Variants in ADGRB1 observed in about 807,000 individuals in gnomAD.
The protein encoded by ADGRB1 is adhesion G protein-coupled receptor B1.
Under a neutral mutation model 175.7 loss-of-function variants are expected in ADGRB1, and 36 were observed. The ratio of observed to expected loss-of-function variants is 0.20; its 90% CI spans 0.16 to 0.27. The LOEUF (loss-of-function observed/expected upper bound fraction) is 0.27. ADGRB1 is among the 10% of genes least tolerant of loss of function. ADGRB1 has a pLI of 1.00. For synonymous variants in ADGRB1, 1,054 were observed against 979.4 expected, an observed-to-expected ratio of 1.08 and a Z score of -1.42; for missense variants, 1,731 against 2,255.3, an observed-to-expected ratio of 0.77 and a Z score of 4.71.
chr8:142,470,423 G>A (rs535115355), intron 2 of ADGRB1, among the ~76,000 whole-genome samples: 1 of 151,866 alleles, frequency 6.6e-6, no homozygotes, highest in African/African-American at 2.4e-5. Flanking sequence ...ATGTGTCCCC[G>A]TGTGGTGTGT....
intron 18 of ADGRB1, among the ~76,000 whole-genome samples, chr8:142,512,421 T>C (rs965374429): frequency 2.0e-5 from 3 of 152,306 alleles, no homozygotes; most frequent in Middle Eastern, 6.8e-3. Context: ...CCTTCGAAGC[T>C]GGACCAGGCA....
At chr8:142,469,149 A>G (rs959702418) in intron 2 of ADGRB1, among the ~76,000 whole-genome samples, 3 of 53,800 alleles carry the variant, frequency 5.6e-5, no homozygotes, top group Non-Finnish European at 1.1e-4. Context: ...ATGTGTGTGC[A>G]TGCGTGCATG....
intron 24 of ADGRB1, among the ~76,000 whole-genome samples, chr8:142,527,651 G>C (rs905326627): frequency 6.6e-5 from 10 of 152,104 alleles, no homozygotes; most frequent in Admixed American, 2.0e-4. Flanking sequence ...CCTGTCCCCG[G>C]AACACCCTGT....
chr8:142,475,432 CCCCTG>C, intron 2 of ADGRB1, 37 bp from the exon 3 acceptor site: 1 of 1,266,902 alleles, frequency 7.9e-7, no homozygotes, highest in Non-Finnish European at 9.9e-7. Context: ...AGGCCACGAG[CCCCTG>C]CCCTGCCCTG....
At chr8:142,469,405 A>G (rs753559788) in intron 2 of ADGRB1, among the ~76,000 whole-genome samples, 1 of 131,930 alleles carries the variant, frequency 7.6e-6, no homozygotes, top group South Asian at 2.5e-4. Context: ...GCACATGCAG[A>G]TGTGAATGTG....
chr8:142,532,570 G>A (rs1046887869), intron 24 of ADGRB1, among the ~76,000 whole-genome samples: 3 of 152,098 alleles, frequency 2.0e-5, no homozygotes, highest in South Asian at 2.1e-4. Context: ...AGGAGGAGGC[G>A]CCTGTCAGTC....
chr8:142,469,434 TGA>T (rs1378969363), intron 2 of ADGRB1, among the ~76,000 whole-genome samples: 10 of 143,704 alleles, frequency 7.0e-5, no homozygotes, highest in Non-Finnish European at 1.4e-4. Flanking sequence ...CACGTGTGAA[TGA>T]GTGTGTGCAC....
chr8:142,460,400 T>C (rs551080921), intron 1 of ADGRB1, among the ~76,000 whole-genome samples: 1 of 152,098 alleles, frequency 6.6e-6, no homozygotes, highest in South Asian at 2.1e-4. Flanking sequence ...GTTCTGTGGG[T>C]CTCAAATTCA....
chr8:142,516,486 C>T (rs1190473987), intron 18 of ADGRB1, among the ~76,000 whole-genome samples: 24 of 86,444 alleles, frequency 2.8e-4, no homozygotes, highest in Non-Finnish European at 3.8e-4. Context: ...TGTGTGCGCG[C>T]GCGTGTGTGC....
In ADGRB1 at chr8:142,543,064, T is replaced by C. The variant is rs1845377736; in HGVS notation, c.4414-339T>C. Among the ~76,000 whole-genome samples the C allele has an allele frequency of 6.6e-6, 1 of 152,190 alleles. No individual in the cohort carries two copies. Among genetic ancestry groups the C allele is most frequent in the Non-Finnish European group, 1.5e-5 (1 of 68,018 alleles). ...CACAGGATATGCTCCCACCATATCC[T>C]GGCTCCTGGCCTCTGGTGATGCTGC... On this transcript the variant is annotated intron_variant, in intron 28 of 30. Transcript: ENST00000517894. The surrounding 1 kb of genome is among the most constrained non-coding windows in gnomAD (Gnocchi z 4.4).
At chr8:142,517,580 C>T (rs1294838225) in intron 18 of ADGRB1, among the ~76,000 whole-genome samples, 24 of 136,242 alleles carry the variant, frequency 1.8e-4, no homozygotes, top group African/African-American at 6.4e-4. Context: ...GAACAGAGAG[C>T]GAGGGGTGGG....
In ADGRB1 at chr8:142,516,623, T is replaced by C. The variant is rs529516148; in HGVS notation, c.2818-1515T>C. ...CAGGCCACAGGTGTGTGTGTGTGTG[T>C]GCATGTGTGCGGGTCCCAGGTGTGT... On this transcript the variant is annotated intron_variant, in intron 18 of 30. Coordinates refer to ENST00000517894, the MANE Select transcript of ADGRB1 (RefSeq NM_001702.3). Among the ~76,000 whole-genome samples the C allele has an allele frequency of 3.7e-3, 538 of 143,630 alleles. 4 individuals carry two copies. The highest frequency in any genetic ancestry group is 0.013 in the African/African-American group (490 of 37,926). The allele number at this position is 143,630 out of a possible 152,430, so 94.2% of individuals were successfully genotyped here. A position where few individuals can be genotyped will look rare whatever the true frequency, so the allele number is the denominator to read the frequency against.
chr8:142,462,815 C>A (rs1282769973), intron 1 of ADGRB1, among the ~76,000 whole-genome samples: 1 of 152,220 alleles, frequency 6.6e-6, no homozygotes, highest in African/African-American at 2.4e-5. Flanking sequence ...TGGCCAGAGG[C>A]CTTGGGGGTG....
intron 9 of ADGRB1, among the ~76,000 whole-genome samples, chr8:142,480,844 A>G (rs1408238579): frequency 6.6e-6 from 1 of 152,026 alleles, no homozygotes. Context: ...GGCTGCCCCC[A>G]TGTCTCTGGG....
intron 24 of ADGRB1, among the ~76,000 whole-genome samples, chr8:142,532,778 TCTGAGGGTC>T (rs1844698926): frequency 6.6e-6 from 1 of 152,022 alleles, no homozygotes; most frequent in Non-Finnish European, 1.5e-5. Flanking sequence ...CTGTGGGCTC[TCTGAGGGTC>T]CTGGACCAGG....
In ADGRB1 at chr8:142,542,772, AC is replaced by A; in HGVS notation, c.4413+131del. 9.6e-6 allele frequency: 8 copies of A among 832,768 alleles called. No individual in the cohort carries two copies. The highest frequency in any genetic ancestry group is 2.9e-4 in the Middle Eastern group (1 of 3,470). 51.6% of individuals were successfully genotyped at this position (832,768 alleles called of 1,614,324 possible). A position where few individuals can be genotyped will look rare whatever the true frequency, so the allele number is the denominator to read the frequency against. On this transcript the variant is annotated intron_variant, in intron 28 of 30. Transcript: ENST00000517894. The surrounding 1 kb of genome is among the most constrained non-coding windows in gnomAD (Gnocchi z 6.3). Reference sequence around the variant, plus strand: ...CGGGCTGGCTCTGCCTCCTAGCTACACCCCCCACCCCTGGCCCTGCTGGGTG... The same window carrying A: ...CGGGCTGGCTCTGCCTCCTAGCTACACCCCCACCCCTGGCCCTGCTGGGTG...
At chr8:142,488,278 T>C in intron 13 of ADGRB1, 86 bp from the exon 14 acceptor site, 1 of 1,545,580 alleles carries the variant, frequency 6.5e-7, no homozygotes. Flanking sequence ...CTGCCAGGCC[T>C]GCACCTCAAC....
rs1028298722 is a variant in ADGRB1 at position 142,543,367 on chromosome 8, C to T, written c.4414-36C>T. The T allele has an allele frequency of 6.2e-7, 1 of 1,612,884 alleles. No individual in the cohort carries two copies. Among genetic ancestry groups the T allele is most frequent in the Non-Finnish European group, 8.5e-7 (1 of 1,179,404 alleles). On this transcript the variant is annotated intron_variant, in intron 28 of 30. Coordinates refer to ENST00000517894, the MANE Select transcript of ADGRB1 (RefSeq NM_001702.3). This position sits in a 1 kb window ranked among gnomAD's most constrained non-coding sequence, Gnocchi z 4.4. ...GGAGAGGCGTGGACTTGTCAGGGAC[C>T]CTTGGCGAATGTTCGCAAACCCCTT...
At chr8:142,522,587 A>T in intron 21 of ADGRB1, 54 bp from the exon 22 acceptor site, 1 of 1,493,712 alleles carries the variant, frequency 6.7e-7, no homozygotes, top group South Asian at 1.3e-5. Context: ...GAGGAGGTGG[A>T]GGCTGGCTGG....
Sources: gnomAD v4.1 joint callset for allele counts (sites outside exome capture counted in the v4.1 genomes callset) on GRCh38, gnomAD v4.1.1 for gene constraint, Gnocchi (gnomAD v3.1) non-coding constraint, MANE v1.5 for transcripts, NCBI Gene and HGNC (gene_info 2026-07-23, HGNC 2026-07-21) for gene names.